Variants in PTPN13 observed in about 807,000 individuals in gnomAD.
PTPN13 encodes tyrosine-protein phosphatase non-receptor type 13.
Under a neutral mutation model 284.0 loss-of-function variants are expected in PTPN13, and 191 were observed. That is an observed-to-expected ratio of 0.67 (90% CI 0.60 to 0.76). The LOEUF (loss-of-function observed/expected upper bound fraction) is 0.76, where lower values mean the gene tolerates loss of function less well. Ranked by LOEUF, PTPN13 falls within the 30% of genes least tolerant of loss-of-function variation. PTPN13 has a pLI of 0.00. For missense variants in PTPN13, 2,797 were observed against 2,939.9 expected (o/e 0.95, Z 1.12); for synonymous variants, 986 against 1,022.3 (o/e 0.96, Z 0.68).
At chr4:86,785,182 G>C (rs772926991) in intron 38 of PTPN13, 49 bp from the exon 39 acceptor site, 1 of 1,360,218 alleles carries the variant, frequency 7.4e-7, no homozygotes, top group Admixed American at 2.6e-5. Context: ...TCCCTTTCTC[G>C]TGTCAATATT....
At chr4:86,741,508 C>T in intron 15 of PTPN13, 126 bp from the exon 16 acceptor site, 1 of 807,260 alleles carries the variant, frequency 1.2e-6, no homozygotes, top group East Asian at 2.7e-5. Context: ...GGGTCTCTCC[C>T]ATAACATGTG....
chr4:86,814,552 C>T lies in PTPN13; in HGVS notation c.*1C>T. 6.2e-7 allele frequency: 1 copy of T among 1,603,970 alleles called. No individual in the cohort carries two copies. The highest frequency in any genetic ancestry group is 8.5e-7 in the Non-Finnish European group (1 of 1,171,220). ...ACAGCAGCCTCAGCTTCTGAAGTGA[C>T]ATGAAAAGAGCCTCTGGATGCATTT... is the stretch of plus-strand genomic sequence containing the variant. On this transcript the variant is annotated 3_prime_UTR_variant, in exon 48 of 48. Coordinates refer to ENST00000411767, the MANE Select transcript of PTPN13 (RefSeq NM_080683.3).
At chr4:86,753,881 T>A (rs1737688042) in intron 20 of PTPN13, among the ~76,000 whole-genome samples, 1 of 152,104 alleles carries the variant, frequency 6.6e-6, no homozygotes. Context: ...GAAGCCATTA[T>A]GTTAATTAAA....
chr4:86,786,415 G>A (rs1741922212), intron 40 of PTPN13, among the ~76,000 whole-genome samples: 1 of 152,038 alleles, frequency 6.6e-6, no homozygotes, highest in Admixed American at 6.6e-5. Context: ...TGGTTTGAAT[G>A]TTCTTACACT....
Position 86,807,721 on chromosome 4 carries a change from A to G in PTPN13, c.6907A>G (p.Thr2303Ala), listed in dbSNP as rs371474408. ...GCAGATGATTTGGGAGCAAAAATCCACAGTGATAGCCATGATGACTCAAGA... is the reference window on the plus strand; with the variant it reads ...GCAGATGATTTGGGAGCAAAAATCCGCAGTGATAGCCATGATGACTCAAGA... ...FWQMIWEQKS[T>A]VIAMMTQEVE... The change falls in exon 45 of 48, where the codon ACA (threonine) becomes GCA (alanine). Residue 2303 changes from threonine (T) to alanine (A), a missense_variant. Transcript: ENST00000411767. 99 of 1,613,928 alleles carry G rather than the reference A, an allele frequency of 6.1e-5. No homozygotes were observed. In the Middle Eastern group the frequency reaches 6.6e-4, roughly 11 times the overall value.
chr4:86,770,206 C>T lies in PTPN13; in HGVS notation c.4803+7C>T. On this transcript the variant is annotated splice_region_variant and intron_variant, in intron 30 of 47. Coordinates refer to ENST00000411767, the MANE Select transcript of PTPN13 (RefSeq NM_080683.3). ...AATTGATACTGCGCTTTTGGTGAGA[C>T]TTATGAAAAGTAATTTACAGTTTTA... The T allele has an allele frequency of 6.2e-7, 1 of 1,607,004 alleles. No individual in the cohort carries two copies. The highest frequency in any genetic ancestry group is 2.2e-5 in the East Asian group (1 of 44,820).
Position 86,763,165 on chromosome 4 carries a change from G to C in PTPN13, c.3992G>C (p.Ser1331Thr), listed in dbSNP as rs760649115. ...SDMDEATYSSSQDHQTPKQES... is the reference protein window; with the variant it reads ...SDMDEATYSSTQDHQTPKQES... The stretch of plus-strand genomic sequence containing the variant: ...ATGGATGAAGCCACTTACTCCAGCA[G>C]TCAGGATCATCAAACACCAAAACAG... The change falls in exon 24 of 48, where the codon AGT becomes ACT. Residue 1331 changes from serine (S) to threonine (T), a missense_variant. By Grantham distance (58) the Ser-to-Thr change is moderately conservative. Coordinates refer to ENST00000411767, the MANE Select transcript of PTPN13 (RefSeq NM_080683.3). 1 of 1,611,918 alleles carries C rather than the reference G, an allele frequency of 6.2e-7. No individual in the cohort carries two copies. The highest frequency in any genetic ancestry group is 1.1e-5 in the South Asian group (1 of 91,000).
intron 9 of PTPN13, among the ~76,000 whole-genome samples, chr4:86,720,857 A>C (rs1322818571): frequency 6.6e-6 from 1 of 152,186 alleles, no homozygotes; most frequent in African/African-American, 2.4e-5. Context: ...GGAAATTATG[A>C]GTCAGATGCA....
intron 38 of PTPN13, among the ~76,000 whole-genome samples, chr4:86,784,996 T>A (rs1341587325): frequency 1.3e-5 from 2 of 152,112 alleles, no homozygotes; most frequent in Non-Finnish European, 2.9e-5. Context: ...AACATTGATT[T>A]TAGTTTATTC....
intron 23 of PTPN13, among the ~76,000 whole-genome samples, chr4:86,759,633 T>C (rs1329275057): frequency 6.6e-6 from 1 of 152,146 alleles, no homozygotes. Context: ...CGTAGAACAG[T>C]GCAGTGGGAA....
Position 86,809,766 on chromosome 4 carries a change from C to T in PTPN13, c.7084-3C>T. Reference sequence around the variant, plus strand: ...ATCCACTTATTCTGTTATACAATTTCAGACCAGAGAGGTGCGCCATATTTC... The same window carrying T: ...ATCCACTTATTCTGTTATACAATTTTAGACCAGAGAGGTGCGCCATATTTC... On this transcript the variant is annotated splice_polypyrimidine_tract_variant and splice_region_variant and intron_variant, in intron 45 of 47. Transcript: ENST00000411767. The T allele has an allele frequency of 6.2e-7, 1 of 1,612,658 alleles. No individual in the cohort carries two copies. Among genetic ancestry groups the T allele is most frequent in the Non-Finnish European group, 8.5e-7 (1 of 1,178,678 alleles).
rs571347658 is a variant in PTPN13, at chr4:86,711,845, T to C, written c.1196-4685T>C. Among the ~76,000 whole-genome samples the C allele has an allele frequency of 1.1e-4, 16 of 152,290 alleles. No individual in the cohort carries two copies. The South Asian group carries it at 3.3e-3, about 32-fold the overall frequency. ...AAATTTTACCATTACAGTTATAACA[T>C]TGCAATGAAGGTGGCTACACATGCA... is the stretch of plus-strand genomic sequence containing the variant. On this transcript the variant is annotated intron_variant, in intron 7 of 47. Coordinates refer to ENST00000411767, the MANE Select transcript of PTPN13 (RefSeq NM_080683.3).
chr4:86,697,764 G>A (rs970548983), intron 6 of PTPN13, among the ~76,000 whole-genome samples: 48 of 152,106 alleles, frequency 3.2e-4, no homozygotes, highest in African/African-American at 9.9e-4. Context: ...ATGCCATTTC[G>A]AAGTTTACTT....
At chr4:86,613,500 G>A (rs1720168127) in intron 1 of PTPN13, among the ~76,000 whole-genome samples, 1 of 152,098 alleles carries the variant, frequency 6.6e-6, no homozygotes, top group South Asian at 2.1e-4. Flanking sequence ...CGGGCGTGGT[G>A]ACGGGCGCCT....
chr4:86,637,320 C>G (rs1358892181), intron 2 of PTPN13, among the ~76,000 whole-genome samples: 5 of 152,286 alleles, frequency 3.3e-5, no homozygotes, highest in African/African-American at 1.2e-4. Flanking sequence ...TCCTCCCTAA[C>G]TCATTTTATG....
chr4:86,758,359 C>A lies in PTPN13; in HGVS notation c.3313+10C>A. The A allele has an allele frequency of 6.3e-7, 1 of 1,583,298 alleles. No individual in the cohort carries two copies. The highest frequency in any genetic ancestry group is 1.1e-5 in the South Asian group (1 of 88,986). ...GCAAAGTATGGCTTGGGTAAGTCAC[C>A]GTGAGATTCTTGAAGGTCTATGATT... On this transcript the variant is annotated intron_variant, in intron 21 of 47. Transcript: ENST00000411767.
At chr4:86,779,453 G>T (rs1741043797) in intron 35 of PTPN13, among the ~76,000 whole-genome samples, 1 of 152,086 alleles carries the variant, frequency 6.6e-6, no homozygotes, top group African/African-American at 2.4e-5. Flanking sequence ...TGGGCCTGTG[G>T]ATTTGTACAC....
chr4:86,762,248 C>T (rs1406185935), intron 23 of PTPN13, among the ~76,000 whole-genome samples: 1 of 152,184 alleles, frequency 6.6e-6, no homozygotes, highest in Non-Finnish European at 1.5e-5. Context: ...GCCGGGATTA[C>T]AGGATTACAG....
At chr4:86,741,496 G>GT in intron 15 of PTPN13, 138 bp from the exon 16 acceptor site, 1 of 695,670 alleles carries the variant, frequency 1.4e-6, no homozygotes, top group Admixed American at 2.8e-5. Context: ...TTACCTCTCA[G>GT]TGGGTCTCTC....
Sources: gnomAD v4.1 joint callset for allele counts (sites outside exome capture counted in the v4.1 genomes callset) on GRCh38, gnomAD v4.1.1 for gene constraint, MANE v1.5 for transcripts, NCBI Gene and HGNC (gene_info 2026-07-23, HGNC 2026-07-21) for gene names.